The following TPM1 variants were observed in gnomAD, a reference collection of about 807,000 sequenced individuals.
The protein encoded by TPM1 is tropomyosin 1.
Under a neutral mutation model 42.9 loss-of-function variants are expected in TPM1, and 24 were observed. The ratio of observed to expected loss-of-function variants is 0.56; its 90% confidence interval spans 0.41 to 0.79. The LOEUF (loss-of-function observed/expected upper bound fraction) is 0.79, where lower values mean the gene tolerates loss of function less well. TPM1 is among the 30% of genes least tolerant of loss of function. The pLI is 0.00. For synonymous variants in TPM1, 136 were observed against 130.1 expected (o/e 1.05, Z -0.31); for missense variants, 158 against 351.8 (o/e 0.45, Z 4.41).
In TPM1 at chr15:63,063,413, A is replaced by C. The variant is rs1472831642; in HGVS notation, c.773-651A>C. Reference sequence around the variant, plus strand: ...GTATGAAACCTGCAGCATTACAAAAACTAAGTTGCAGACTTGCCATATAAA... The same window carrying C: ...GTATGAAACCTGCAGCATTACAAAACCTAAGTTGCAGACTTGCCATATAAA... On this transcript the variant is annotated intron_variant, in intron 8 of 9. Coordinates refer to ENST00000403994, the MANE Select transcript of TPM1 (RefSeq NM_001018005.2). 32 of 978,796 alleles carry C rather than the reference A, an allele frequency of 3.3e-5. No homozygotes were observed. In the East Asian group the frequency reaches 1.0e-3, roughly 31 times the overall value. 60.6% of individuals were successfully genotyped at this position (978,796 alleles called of 1,614,324 possible). A position where few individuals can be genotyped will look rare whatever the true frequency, so the allele number is the denominator to read the frequency against.
intron 2 of TPM1, chr15:63,048,759 G>C: frequency 2.6e-6 from 4 of 1,516,072 alleles, no homozygotes; most frequent in Non-Finnish European, 3.5e-6. Context: ...TCCTCCCGGG[G>C]CAGCCCCGCA....
chr15:63,052,958 ATAGGG>A (rs1023335304), intron 2 of TPM1, among the ~76,000 whole-genome samples: 10 of 152,190 alleles, frequency 6.6e-5, no homozygotes, highest in Non-Finnish European at 1.3e-4. Context: ...GGCCAGTATA[ATAGGG>A]CCTGCAGAGC....
downstream of TPM1, chr15:63,071,136 G>T: frequency 6.2e-7 from 1 of 1,614,154 alleles, no homozygotes; most frequent in Non-Finnish European, 8.5e-7. Flanking sequence ...TGCATCAGAT[G>T]CTGGATCAGA....
At chr15:63,049,148 CACTGTG>C in intron 2 of TPM1, 1 of 207,576 alleles carries the variant, frequency 4.8e-6, no homozygotes, top group South Asian at 5.3e-5. Context: ...GTGGGAGAGG[CACTGTG>C]GACTTGGGGC....
At chr15:63,069,901 C>T (rs1324126305), downstream of TPM1, 1 of 1,614,164 alleles carries the variant, frequency 6.2e-7, no homozygotes, top group South Asian at 1.1e-5. Flanking sequence ...AGCAAAATCG[C>T]CGCCTCACTA....
intron 2 of TPM1, among the ~76,000 whole-genome samples, chr15:63,053,758 T>G (rs2034330175): frequency 6.8e-6 from 1 of 146,808 alleles, no homozygotes; most frequent in Non-Finnish European, 1.5e-5. Context: ...CTCGGCTCAC[T>G]GCAGTCTCTG....
chr15:63,048,198 G>A, intron 2 of TPM1: 1 of 459,884 alleles, frequency 2.2e-6, no homozygotes, highest in Non-Finnish European at 4.3e-6. Flanking sequence ...ACCGCGCCGC[G>A]GAGGGGCCCT....
chr15:63,056,725 C>T (rs917031573), intron 2 of TPM1: 5 of 484,460 alleles, frequency 1.0e-5, no homozygotes, highest in African/African-American at 2.0e-5. Flanking sequence ...TGTGAAAGAG[C>T]GTTTGCTAAT....
At chr15:63,064,255 CCT>C in intron 9 of TPM1, 113 bp downstream of exon 9, 1 of 1,546,160 alleles carries the variant, frequency 6.5e-7, no homozygotes, top group Non-Finnish European at 8.7e-7. Context: ...TTGTGTTCAC[CCT>C]TTTTGTCATA....
At chr15:63,067,344 T>C (rs764982420), downstream of TPM1, among the ~76,000 whole-genome samples, 3 of 152,258 alleles carry the variant, frequency 2.0e-5, no homozygotes, top group Admixed American at 6.5e-5. Context: ...CCCTTGAGTT[T>C]ATAAAGACTT....
At chr15:63,065,758 G>C in intron 9 of TPM1, 138 bp from the exon 10 acceptor site, 1 of 1,377,216 alleles carries the variant, frequency 7.3e-7, no homozygotes, top group Non-Finnish European at 9.8e-7. Context: ...CCAAGGGTGT[G>C]GCTGGCAGTG....
chr15:63,055,204 G>C (rs4238371), intron 2 of TPM1, among the ~76,000 whole-genome samples: 101,864 of 152,060 alleles, frequency 0.67, 34,586 homozygotes, highest in East Asian at 0.95. Context: ...TTTGTAGGCA[G>C]TACAGTTGTA....
Position 63,064,084 on chromosome 15 carries a change from C to T in TPM1, c.793C>T (p.Leu265=). The T allele has an allele frequency of 6.2e-7, 1 of 1,614,144 alleles. No homozygotes were observed. Among genetic ancestry groups the T allele is most frequent in the Non-Finnish European group, 8.5e-7 (1 of 1,180,028 alleles). ...DLEDELYAQK[L]KYKAISEELD... ...CATAGACGAGCTGTACGCTCAGAAA[C>T]TGAAGTACAAAGCCATCAGCGAGGA... Residue 265 remains leucine (L), a synonymous_variant, in exon 9 of 10, where the codon CTG becomes TTG. Coordinates refer to ENST00000403994, the MANE Select transcript of TPM1 (RefSeq NM_001018005.2).
chr15:63,071,350 G>A (rs1453597982), exon 9 of TPM1: 12 of 632,046 alleles, frequency 1.9e-5, no homozygotes, highest in Admixed American at 1.0e-4. Flanking sequence ...ATGTCAGGGC[G>A]ATCCTGGTTC....
At chr15:63,068,001 G>C (rs1040110431), downstream of TPM1, among the ~76,000 whole-genome samples, 1 of 152,196 alleles carries the variant, frequency 6.6e-6, no homozygotes, top group Non-Finnish European at 1.5e-5. Flanking sequence ...AATTCATACT[G>C]ACCCTCTGGA....
At chr15:63,059,428 T>G in intron 3 of TPM1, 135 bp from the exon 4 acceptor site, 1 of 657,352 alleles carries the variant, frequency 1.5e-6, no homozygotes. Context: ...GTTTCCTGGT[T>G]TGGAAAATAA....
At chr15:63,052,398 C>G (rs1225668000) in intron 2 of TPM1, among the ~76,000 whole-genome samples, 1 of 152,174 alleles carries the variant, frequency 6.6e-6, no homozygotes, top group African/African-American at 2.4e-5. Flanking sequence ...TGTCACGTGC[C>G]TGTAATCCTA....
chr15:63,048,267 A>ACC (rs1233619284), intron 2 of TPM1: 1 of 547,928 alleles, frequency 1.8e-6, no homozygotes, highest in East Asian at 6.1e-5. Flanking sequence ...CTCACCAGGT[A>ACC]CCCCCGCAGC....
At chr15:63,043,459 C>A (rs1453202669) in intron 1 of TPM1, 3 of 683,124 alleles carry the variant, frequency 4.4e-6, no homozygotes, top group Non-Finnish European at 8.0e-6. Context: ...TCTTCTGTGT[C>A]CCCAAGTAGT....
Sources: gnomAD v4.1 joint callset for allele counts (sites outside exome capture counted in the v4.1 genomes callset) on GRCh38, gnomAD v4.1.1 for gene constraint, MANE v1.5 for transcripts, NCBI Gene and HGNC (gene_info 2026-07-23, HGNC 2026-07-21) for gene names.